The following SAMMSON variants were observed in gnomAD, a reference collection of about 807,000 sequenced individuals.
The protein encoded by SAMMSON is long intergenic non-protein coding RNA 1212.
At chr3:70,215,116 A>C (rs1355654908) in intron 4 of SAMMSON, among the ~76,000 whole-genome samples, 2 of 152,110 alleles carry the variant, frequency 1.3e-5, no homozygotes, top group Non-Finnish European at 2.9e-5. Flanking sequence ...CATCCGAACT[A>C]TTTGAATGTC....
At chr3:70,423,245 A>G (rs892373603) in intron 2 of SAMMSON, among the ~76,000 whole-genome samples, 3 of 152,164 alleles carry the variant, frequency 2.0e-5, no homozygotes, top group Non-Finnish European at 4.4e-5. Flanking sequence ...GATTACAAGT[A>G]TATTTTGTAT....
At chr3:70,214,541 A>AT (rs1481269319) in intron 4 of SAMMSON, among the ~76,000 whole-genome samples, 3 of 151,760 alleles carry the variant, frequency 2.0e-5, no homozygotes, top group African/African-American at 7.3e-5. Flanking sequence ...AAGGCTGAGC[A>AT]TGGCCCCCTC....
At chr3:70,378,928 C>A (rs756700204) in intron 9 of SAMMSON, among the ~76,000 whole-genome samples, 1 of 151,984 alleles carries the variant, frequency 6.6e-6, no homozygotes, top group Non-Finnish European at 1.5e-5. Flanking sequence ...ATGTTGTGTT[C>A]TTTAGGATAA....
chr3:70,047,196 A>C (rs935385730), intron 3 of SAMMSON, among the ~76,000 whole-genome samples: 1 of 152,164 alleles, frequency 6.6e-6, no homozygotes, highest in African/African-American at 2.4e-5. Flanking sequence ...AGTATGGTGC[A>C]TAGTATGCAC....
At chr3:70,191,580 C>T (rs1348775260) in intron 4 of SAMMSON, among the ~76,000 whole-genome samples, 2 of 152,164 alleles carry the variant, frequency 1.3e-5, no homozygotes, top group African/African-American at 2.4e-5. Context: ...TTATTGGGTA[C>T]GTATCTTAAA....
intron 4 of SAMMSON, chr3:70,072,725 CA>C: frequency 6.7e-6 from 1 of 148,166 alleles, no homozygotes; most frequent in South Asian, 2.1e-4. Context: ...GAAGCTCAAG[CA>C]AAACAAATGA....
chr3:70,156,545 G>C (rs1245906982), intron 4 of SAMMSON, among the ~76,000 whole-genome samples: 1 of 151,948 alleles, frequency 6.6e-6, no homozygotes, highest in African/African-American at 2.4e-5. Flanking sequence ...GAAAAGTGAA[G>C]ATCTTATCAA....
At chr3:70,255,434 T>G (rs532865127) in intron 6 of SAMMSON, among the ~76,000 whole-genome samples, 1 of 151,942 alleles carries the variant, frequency 6.6e-6, no homozygotes, top group Admixed American at 6.6e-5. Flanking sequence ...AATTTTTTTT[T>G]CTTCTTTATT....
chr3:70,006,639 T>C (rs1209233479), intron 1 of SAMMSON, among the ~76,000 whole-genome samples: 1 of 152,174 alleles, frequency 6.6e-6, no homozygotes, highest in African/African-American at 2.4e-5. Flanking sequence ...AGACCTTTCC[T>C]GTTTATTTTT....
At chr3:70,253,460 A>T (rs1701788109) in intron 6 of SAMMSON, among the ~76,000 whole-genome samples, 1 of 152,178 alleles carries the variant, frequency 6.6e-6, no homozygotes, top group African/African-American at 2.4e-5. Context: ...CCACATTGAA[A>T]ATGTTTCATC....
At chr3:70,035,333 G>C (rs938918024) in intron 3 of SAMMSON, among the ~76,000 whole-genome samples, 1 of 151,518 alleles carries the variant, frequency 6.6e-6, no homozygotes, top group Non-Finnish European at 1.5e-5. Flanking sequence ...TTCTTCTACT[G>C]TTGACTAGAG....
At chr3:70,042,925 T>C (rs553215927) in intron 3 of SAMMSON, among the ~76,000 whole-genome samples, 1 of 152,224 alleles carries the variant, frequency 6.6e-6, no homozygotes, top group Admixed American at 6.6e-5. Context: ...TCCCCAGAGA[T>C]TTCGCTTTGC....
At chr3:70,072,661 A>C (rs1370147354) in intron 4 of SAMMSON, 3 of 151,450 alleles carry the variant, frequency 2.0e-5, no homozygotes, top group Non-Finnish European at 2.9e-5. Context: ...AAAAAAAAAA[A>C]AAAAACAGAA....
rs542614674 is a variant in SAMMSON, at chr3:70,263,444, A to G, written n.674+13774A>G. Among the ~76,000 whole-genome samples the G allele has an allele frequency of 1.5e-4, 23 of 152,270 alleles. No individual in the cohort carries two copies. The East Asian group carries it at 4.1e-3, about 27-fold the overall frequency. ...CTTTTCTAAGGTGTGATCCTTCTGC[A>G]GTTGTGACCCTGAATGCTCCCATAC... On this transcript the variant is annotated intron_variant and non_coding_transcript_variant, in intron 6 of 9. Transcript: ENST00000642114.
At chr3:70,397,953 A>G (rs997425116) in intron 2 of SAMMSON, among the ~76,000 whole-genome samples, 4 of 152,210 alleles carry the variant, frequency 2.6e-5, no homozygotes, top group Non-Finnish European at 5.9e-5. Flanking sequence ...AGCAAATATT[A>G]ATAATGTTAT....
At chr3:70,341,899 T>C (rs796829880) in intron 7 of SAMMSON, among the ~76,000 whole-genome samples, 2 of 152,296 alleles carry the variant, frequency 1.3e-5, no homozygotes, top group African/African-American at 4.8e-5. Context: ...ATATTTACAA[T>C]AGATCAGTAA....
intron 3 of SAMMSON, among the ~76,000 whole-genome samples, chr3:70,041,340 G>A (rs897983809): frequency 6.6e-6 from 1 of 152,082 alleles, no homozygotes; most frequent in South Asian, 2.1e-4. Context: ...TTTGTCTAAC[G>A]TATTTAGGGA....
intron 4 of SAMMSON, among the ~76,000 whole-genome samples, chr3:70,124,585 G>C (rs1252338825): frequency 1.3e-5 from 2 of 151,994 alleles, no homozygotes; most frequent in African/African-American, 4.8e-5. Context: ...GGCTGAGGCG[G>C]GTGGATCACA....
At chr3:70,261,461 G>C (rs11128170) in intron 6 of SAMMSON, among the ~76,000 whole-genome samples, 115,603 of 152,094 alleles carry the variant, frequency 0.76, 44,765 homozygotes, top group Non-Finnish European at 0.84. Context: ...TCCCTCCATG[G>C]TTGTGTTTGT....
Sources: allele counts gnomAD v4.1 joint callset (sites outside exome capture counted in the v4.1 genomes callset), GRCh38; gene constraint gnomAD v4.1.1; transcripts MANE v1.5; gene names NCBI Gene and HGNC (gene_info 2026-07-23, HGNC 2026-07-21).